The following TMEM117 variants were observed in gnomAD, a reference collection of about 807,000 sequenced individuals.
The protein encoded by TMEM117 is transmembrane protein 117.
In TMEM117, 27 loss-of-function variants were observed where a neutral mutation model predicts 52.4. The observed-to-expected ratio is 0.51, with a 90% CI of 0.38 to 0.71. TMEM117 has a LOEUF of 0.71. Among genes scored for constraint, TMEM117 ranks in the 30% least tolerant of loss-of-function variants. TMEM117 has a pLI of 0.00. For synonymous variants in TMEM117, 215 were observed against 206.3 expected, an observed-to-expected ratio of 1.04 and a Z score of -0.36; for missense variants, 556 against 630.5, an observed-to-expected ratio of 0.88 and a Z score of 1.26.
At chr12:44,304,267 G>A (rs1950877327) in intron 6 of TMEM117, among the ~76,000 whole-genome samples, 1 of 152,186 alleles carries the variant, frequency 6.6e-6, no homozygotes, top group Admixed American at 6.5e-5. Flanking sequence ...GCAACACAGG[G>A]CAAAATTCAG....
At chr12:44,253,564 A>G (rs974960238) in intron 5 of TMEM117, among the ~76,000 whole-genome samples, 5 of 152,124 alleles carry the variant, frequency 3.3e-5, no homozygotes, top group Non-Finnish European at 5.9e-5. Flanking sequence ...CCCACAGCCA[A>G]ATCTAGAGAT....
intron 2 of TMEM117, among the ~76,000 whole-genome samples, chr12:43,885,751 C>T (rs767831000): frequency 3.3e-5 from 5 of 152,000 alleles, no homozygotes; most frequent in Admixed American, 6.6e-5. Context: ...ATGGTAGAAG[C>T]AGTAATACAG....
At chr12:44,293,110 GAT>G (rs145187655) in intron 5 of TMEM117, among the ~76,000 whole-genome samples, 1 of 150,794 alleles carries the variant, frequency 6.6e-6, no homozygotes. Flanking sequence ...TCTGGTACTG[GAT>G]ATATATATAT....
intron 6 of TMEM117, among the ~76,000 whole-genome samples, chr12:44,364,040 G>GGGTTTATAT (rs1437163168): frequency 4.6e-5 from 7 of 152,068 alleles, no homozygotes; most frequent in African/African-American, 1.2e-4. Context: ...AAGTGTATCT[G>GGGTTTATAT]GGTTTATATG....
chr12:44,362,307 C>T (rs924621328), intron 6 of TMEM117, among the ~76,000 whole-genome samples: 9 of 152,120 alleles, frequency 5.9e-5, no homozygotes, highest in African/African-American at 2.2e-4. Context: ...GCTCTTACCT[C>T]ATAGAGGTCT....
At chr12:43,819,927 G>T in the TMEM117 span, among the ~76,000 whole-genome samples, 6 of 152,070 alleles carry the variant, frequency 3.9e-5, no homozygotes, top group Admixed American at 6.5e-5. Context: ...TTATTTTGTG[G>T]TTCTCTTCTA....
intron 2 of TMEM117, among the ~76,000 whole-genome samples, chr12:43,877,890 A>AACACACACACACACACAC (rs369405497): frequency 7.0e-6 from 1 of 142,998 alleles, no homozygotes; most frequent in African/African-American, 2.6e-5. Flanking sequence ...GTAAAAACAA[A>AACACACACACACACACAC]ACACACACAC....
intron 2 of TMEM117, among the ~76,000 whole-genome samples, chr12:43,924,593 A>G (rs1565753534): frequency 6.6e-6 from 1 of 152,200 alleles, no homozygotes; most frequent in Non-Finnish European, 1.5e-5. Context: ...CATTTTAATA[A>G]TGTAAAATAC....
intron 3 of TMEM117, among the ~76,000 whole-genome samples, chr12:44,038,476 C>G: frequency 6.6e-6 from 1 of 152,188 alleles, no homozygotes; most frequent in East Asian, 1.9e-4. Context: ...TGGCTGTGCG[C>G]AGTGACTGCA....
At chr12:44,265,907 T>C (rs1245656595) in intron 5 of TMEM117, among the ~76,000 whole-genome samples, 1 of 152,210 alleles carries the variant, frequency 6.6e-6, no homozygotes, top group African/African-American at 2.4e-5. Context: ...GGTTTGTCCA[T>C]TATGGAGCAT....
intron 2 of TMEM117, among the ~76,000 whole-genome samples, chr12:43,877,391 T>C (rs766075946): frequency 5.3e-5 from 8 of 152,124 alleles, no homozygotes; most frequent in Non-Finnish European, 1.0e-4. Context: ...CCCAGCACTT[T>C]GGGACACCGA....
intron 5 of TMEM117, among the ~76,000 whole-genome samples, chr12:44,284,844 CTG>C (rs1950619385): frequency 6.6e-6 from 1 of 152,146 alleles, no homozygotes; most frequent in Non-Finnish European, 1.5e-5. Flanking sequence ...CACCCTAAAA[CTG>C]TGAAACACAG....
chr12:43,943,097 G>T (rs1183817293), intron 2 of TMEM117, among the ~76,000 whole-genome samples: 1 of 133,398 alleles, frequency 7.5e-6, no homozygotes, highest in East Asian at 2.5e-4. Flanking sequence ...GGAATCACTT[G>T]AACCCGAGAG....
intron 5 of TMEM117, among the ~76,000 whole-genome samples, chr12:44,277,754 C>T (rs1321686754): frequency 1.4e-5 from 2 of 145,656 alleles, no homozygotes; most frequent in Non-Finnish European, 3.0e-5. Flanking sequence ...CCAGACAAAA[C>T]TCTGAGCTTT....
At chr12:44,224,301 C>T (rs954186418) in intron 5 of TMEM117, among the ~76,000 whole-genome samples, 4 of 152,028 alleles carry the variant, frequency 2.6e-5, no homozygotes, top group Non-Finnish European at 4.4e-5. Flanking sequence ...CAATATTAGG[C>T]GTTAGAGATT....
At chr12:44,209,251 CT>C (rs938097325) in intron 4 of TMEM117, among the ~76,000 whole-genome samples, 5 of 151,904 alleles carry the variant, frequency 3.3e-5, no homozygotes, top group African/African-American at 1.2e-4. Context: ...CAACTTTATT[CT>C]TTTTTTCCAG....
At chr12:44,180,012 AAAG>A (rs1319825577) in intron 4 of TMEM117, among the ~76,000 whole-genome samples, 3 of 152,128 alleles carry the variant, frequency 2.0e-5, no homozygotes, top group Admixed American at 6.5e-5. Flanking sequence ...AGAAAATAAA[AAAG>A]AAGGTTTATA....
At chr12:44,144,393 A>C (rs940456360) in intron 4 of TMEM117, among the ~76,000 whole-genome samples, 1 of 152,232 alleles carries the variant, frequency 6.6e-6, no homozygotes, top group African/African-American at 2.4e-5. Flanking sequence ...CCGTTCATAA[A>C]TGCAGTTGAT....
At chr12:44,047,093 C>A (rs935486907) in intron 3 of TMEM117, among the ~76,000 whole-genome samples, 2 of 151,286 alleles carry the variant, frequency 1.3e-5, no homozygotes, top group African/African-American at 4.9e-5. Context: ...TGGGTGTTGC[C>A]GAAATAGATT....
Sources: gnomAD v4.1 joint callset for allele counts (sites outside exome capture counted in the v4.1 genomes callset) on GRCh38, gnomAD v4.1.1 for gene constraint, MANE v1.5 for transcripts, NCBI Gene and HGNC (gene_info 2026-07-23, HGNC 2026-07-21) for gene names.